TNRC18: variants seen among roughly 807,000 people sequenced by gnomAD.
TNRC18 encodes the protein trinucleotide repeat containing 18.
TNRC18 carries 69 observed loss-of-function variants against 226.7 expected under a neutral mutation model. That is an observed-to-expected ratio of 0.30 (90% CI 0.25 to 0.37). The LOEUF (loss-of-function observed/expected upper bound fraction) is 0.37, where lower values mean the gene tolerates loss of function less well. TNRC18 is among the 10% of genes least tolerant of loss of function. The pLI is 1.00. For synonymous variants in TNRC18, 2,449 were observed against 1,927.6 expected, an observed-to-expected ratio of 1.27 and a Z score of -7.09; for missense variants, 4,754 against 4,256.6, an observed-to-expected ratio of 1.12 and a Z score of -3.25.
chr7:5,362,775 C>G lies in TNRC18; in HGVS notation c.4270G>C (p.Ala1424Pro), dbSNP rs756957551. 1 of 1,572,124 alleles carries G rather than the reference C, an allele frequency of 6.4e-7. No individual in the cohort carries two copies. The highest frequency in any genetic ancestry group is 1.2e-5 in the South Asian group (1 of 85,518). ...ARPSLESLLAAGSHMLREVLD... is the reference protein window; with the variant it reads ...ARPSLESLLAPGSHMLREVLD... ...ACCTCCCTCAGCATGTGGCTGCCAG[C>G]TGCCAGCAGACTCTCCAGGGAGGGC... The change falls in exon 12 of 30, where the codon GCT becomes CCT. Residue 1424 changes from alanine to proline, a missense_variant. Transcript: ENST00000430969.
In TNRC18 at chr7:5,394,500, G is replaced by T; in HGVS notation, c.283C>A (p.Arg95Ser). Residue 95 changes from arginine to serine, a missense_variant, in exon 3 of 30, where the codon CGC becomes AGC. By Grantham distance (110) the Arg-to-Ser change is moderately radical. Coordinates refer to ENST00000430969, the MANE Select transcript of TNRC18 (RefSeq NM_001080495.3). This position sits in a 1 kb window ranked among gnomAD's most constrained non-coding sequence, Gnocchi z 4.5. ...GGCAGGTTGCTAGGGGTTGGGGAGC[G>T]GAAAGACAGGTCAGAGGGCAGTGGC... is the stretch of plus-strand genomic sequence containing the variant. ...PVPLPSDLSF[R>S]SPTPSNLPMV... The T allele has an allele frequency of 1.3e-6, 2 of 1,561,820 alleles. No homozygotes were observed. The highest frequency in any genetic ancestry group is 1.7e-6 in the Non-Finnish European group (2 of 1,154,684).
At chr7:5,410,310 C>CAAAAAAA (rs1157425008) in intron 2 of TNRC18, among the ~76,000 whole-genome samples, 1 of 66,198 alleles carries the variant, frequency 1.5e-5, no homozygotes, top group African/African-American at 4.2e-5. Flanking sequence ...GACTCTGTCT[C>CAAAAAAA]AAAAAAAAAA....
In TNRC18 at chr7:5,325,240, TTTC is replaced by T; in HGVS notation, c.6153_6155del (p.Lys2052del). ...CAGCTCCTGGCCCAGCCTCTTTCCC[TTTC>T]TTCTTCTGGAGGAGGAAGCAGCAGA... On this transcript the variant is annotated inframe_deletion, in exon 20 of 30. Coordinates refer to ENST00000430969, the MANE Select transcript of TNRC18 (RefSeq NM_001080495.3). The T allele has an allele frequency of 1.9e-6, 3 of 1,552,104 alleles. No homozygotes were observed. Among genetic ancestry groups the T allele is most frequent in the Non-Finnish European group, 2.6e-6 (3 of 1,153,674 alleles).
At position 5,313,345 on chromosome 7, in the gene TNRC18, G is replaced by T. The variant is rs759599919; in HGVS notation, c.7546C>A (p.Pro2516Thr). Residue 2516 changes from proline (P) to threonine (T), a missense_variant, in exon 27 of 30, where the codon CCC (proline) becomes ACC (threonine). Coordinates refer to ENST00000430969, the MANE Select transcript of TNRC18 (RefSeq NM_001080495.3). Reference sequence around the variant, plus strand: ...TCCCCGTCGGTGGCCTTGGGCCAGGGTGCCTTGGGCTCGCTGCTGCCGGCC... The same window carrying T: ...TCCCCGTCGGTGGCCTTGGGCCAGGTTGCCTTGGGCTCGCTGCTGCCGGCC... ...PAAGSSEPKA[P>T]WPKATDGDLA... is the part of the protein sequence containing the mutation. 6.4e-7 allele frequency: 1 copy of T among 1,559,422 alleles called. No individual in the cohort carries two copies. Among genetic ancestry groups the T allele is most frequent in the Non-Finnish European group, 8.7e-7 (1 of 1,152,896 alleles).
At chr7:5,390,965 A>C (rs1372571407) in intron 3 of TNRC18, among the ~76,000 whole-genome samples, 1 of 152,156 alleles carries the variant, frequency 6.6e-6, no homozygotes, top group African/African-American at 2.4e-5. Context: ...ACAACCTATA[A>C]GGAAGAGACT....
At position 5,312,123 on chromosome 7, in the gene TNRC18, G is replaced by A. The variant is rs1787284890; in HGVS notation, c.8388+380C>T. Among the ~76,000 whole-genome samples the A allele has an allele frequency of 6.6e-6, 1 of 152,204 alleles. No individual in the cohort carries two copies. The highest frequency in any genetic ancestry group is 1.5e-5 in the Non-Finnish European group (1 of 68,034). On this transcript the variant is annotated intron_variant, in intron 27 of 29. Transcript: ENST00000430969. This position sits in a 1 kb window ranked among gnomAD's most constrained non-coding sequence, Gnocchi z 6.3. The stretch of plus-strand genomic sequence containing the variant: ...CACACTCCAGCCTGGGCAACAGAGA[G>A]AGACTCAGTCTCAAAAAAAGAAAAA...
At chr7:5,371,749 C>T (rs1410446521) in intron 10 of TNRC18, among the ~76,000 whole-genome samples, 1 of 152,134 alleles carries the variant, frequency 6.6e-6, no homozygotes, top group East Asian at 1.9e-4. Context: ...GAACCTACTG[C>T]TCCACCCCAT....
intron 24 of TNRC18, among the ~76,000 whole-genome samples, chr7:5,317,540 G>A (rs1258972992): frequency 1.3e-5 from 2 of 151,926 alleles, no homozygotes; most frequent in South Asian, 2.1e-4. Context: ...GCAGTAAGCT[G>A]AAATCACTGC....
intron 11 of TNRC18, among the ~76,000 whole-genome samples, chr7:5,363,460 C>T (rs1356569238): frequency 2.6e-5 from 4 of 152,046 alleles, no homozygotes; most frequent in Admixed American, 6.6e-5. Context: ...AAAAATTAGC[C>T]GGGTGTGGTG....
At position 5,388,204 on chromosome 7, in the gene TNRC18, G is replaced by A. The variant is rs770815722; in HGVS notation, c.1620C>T (p.Ala540=). ...TCTTGGAGGAGGAGGCAGCGACCACGGCGGCCTCCTCTTCGGCGCGGCTGT... is the reference window on the plus strand; with the variant it reads ...TCTTGGAGGAGGAGGCAGCGACCACAGCGGCCTCCTCTTCGGCGCGGCTGT... ...HHHSRAEEEA[A]VVAASSSKKA... Residue 540 remains alanine, a synonymous_variant, in exon 5 of 30, where the codon GCC becomes GCT. Coordinates refer to ENST00000430969, the MANE Select transcript of TNRC18 (RefSeq NM_001080495.3). 3.4e-5 allele frequency: 55 copies of A among 1,595,568 alleles called. No homozygotes were observed. The highest frequency in any genetic ancestry group is 5.6e-5 in the South Asian group (5 of 88,594).
rs550428799 is a variant in TNRC18 at position 5,324,203 on chromosome 7, C to T, written c.6442+11G>A. On this transcript the variant is annotated intron_variant, in intron 21 of 29. Transcript: ENST00000430969. This position sits in a 1 kb window ranked among gnomAD's most constrained non-coding sequence, Gnocchi z 4.8. ...GCCCCGCCCGGCACATGTGGCATCA[C>T]GGCCACTCACCCGGGGTCAGCGGCC... 8.7e-5 allele frequency: 138 copies of T among 1,591,166 alleles called. No individual in the cohort carries two copies. In the Admixed American group the frequency reaches 1.1e-3, roughly 13 times the overall value.
At chr7:5,351,723 ATC>A in intron 17 of TNRC18, 94 bp downstream of exon 17, 1 of 1,391,740 alleles carries the variant, frequency 7.2e-7, no homozygotes, top group Non-Finnish European at 9.6e-7. Context: ...CTCACCCACC[ATC>A]TCTCCCGTGC....
chr7:5,313,164 C>T lies in TNRC18; in HGVS notation c.7727G>A (p.Ser2576Asn). 2.0e-6 allele frequency: 3 copies of T among 1,531,042 alleles called. No homozygotes were observed. Among genetic ancestry groups the T allele is most frequent in the South Asian group, 2.4e-5 (2 of 83,586 alleles). The allele number at this position is 1,531,042 out of a possible 1,614,324, so 94.8% of individuals were successfully genotyped here. Residue 2576 changes from serine (S) to asparagine (N), a missense_variant, in exon 27 of 30, where the codon AGC (serine) becomes AAC (asparagine). By Grantham distance (46) the Ser-to-Asn change is conservative. Transcript: ENST00000430969. ...GSSSSSSSSS[S>N]SGSETEGEEE... Reference sequence around the variant, plus strand: ...CTCCCCTTCTGTCTCCGAGCCGCTGCTGCTGCTGCTGCTGCTGCTGCTACT... The same window carrying T: ...CTCCCCTTCTGTCTCCGAGCCGCTGTTGCTGCTGCTGCTGCTGCTGCTACT...
chr7:5,379,555 A>G (rs983577921), intron 5 of TNRC18, among the ~76,000 whole-genome samples: 3 of 152,272 alleles, frequency 2.0e-5, no homozygotes, highest in African/African-American at 7.2e-5. Context: ...GGCCTGGCAC[A>G]TGGATGGTCA....
chr7:5,409,939 C>A lies in TNRC18; in HGVS notation c.187+11121G>T, dbSNP rs563628843. 2.7e-5 allele frequency among the ~76,000 whole-genome samples: 4 copies of A among 146,722 alleles called. No individual in the cohort carries two copies. In the South Asian group the frequency reaches 8.7e-4, roughly 32 times the overall value. On this transcript the variant is annotated intron_variant, in intron 2 of 29. Transcript: ENST00000430969. ...CCGGGAGGTGGAGCTTGCAGTGAGCCGAGATCGCACCACTGCACTCCAGGC... is the reference window on the plus strand; with the variant it reads ...CCGGGAGGTGGAGCTTGCAGTGAGCAGAGATCGCACCACTGCACTCCAGGC...
chr7:5,388,243 G>T lies in TNRC18; in HGVS notation c.1581C>A (p.Ala527=), dbSNP rs1221834058. The T allele has an allele frequency of 6.2e-7, 1 of 1,606,972 alleles. No homozygotes were observed. Among genetic ancestry groups the T allele is most frequent in the Non-Finnish European group, 8.5e-7 (1 of 1,177,644 alleles). Residue 527 remains alanine, a synonymous_variant, in exon 5 of 30, where the codon GCC becomes GCA. Coordinates refer to ENST00000430969, the MANE Select transcript of TNRC18 (RefSeq NM_001080495.3). ...NFAATQMAVL[A]AQHHHSRAEE... is the part of the protein sequence containing the mutation. ...CGGCGCGGCTGTGGTGGTGCTGCGC[G>T]GCCAGCACGGCCATCTGCGTGGCGG...
intron 2 of TNRC18, among the ~76,000 whole-genome samples, chr7:5,395,595 G>A (rs982970914): frequency 1.3e-5 from 2 of 152,230 alleles, no homozygotes; most frequent in African/African-American, 2.4e-5. Flanking sequence ...CCTGGCGCAC[G>A]GGGCTTCCCT....
chr7:5,313,385 G>A lies in TNRC18; in HGVS notation c.7506C>T (p.Gly2502=). 6.3e-7 allele frequency: 1 copy of A among 1,589,600 alleles called. No individual in the cohort carries two copies. The highest frequency in any genetic ancestry group is 8.6e-7 in the Non-Finnish European group (1 of 1,169,400). Residue 2502 remains glycine, a synonymous_variant, in exon 27 of 30, where the codon GGC becomes GGT. Transcript: ENST00000430969. ...TGCTGCCGGCCGCGGGGGGATAGCTGCCCAGGCTCAGGAGGCTCTTGGGCT... is the reference window on the plus strand; with the variant it reads ...TGCTGCCGGCCGCGGGGGGATAGCTACCCAGGCTCAGGAGGCTCTTGGGCT... ...WQEPKSLLSL[G]SYPPAAGSSE... is the part of the protein sequence containing the mutation.
chr7:5,313,881 T>G lies in TNRC18; in HGVS notation c.7028-18A>C. 7.0e-7 allele frequency: 1 copy of G among 1,432,656 alleles called. No individual in the cohort carries two copies. Among genetic ancestry groups the G allele is most frequent in the Non-Finnish European group, 9.2e-7 (1 of 1,092,498 alleles). The allele number at this position is 1,432,656 out of a possible 1,614,324, so 88.7% of individuals were successfully genotyped here. On this transcript the variant is annotated intron_variant, in intron 26 of 29. Transcript: ENST00000430969. ...GGCTCTGTCTGCAAAACAAAACAGATGAGAAGCTGGGGCGGGGGCTTCCTG... is the reference window on the plus strand; with the variant it reads ...GGCTCTGTCTGCAAAACAAAACAGAGGAGAAGCTGGGGCGGGGGCTTCCTG...
Sources: gnomAD v4.1 joint callset for allele counts (sites outside exome capture counted in the v4.1 genomes callset) on GRCh38, gnomAD v4.1.1 for gene constraint, Gnocchi (gnomAD v3.1) non-coding constraint, MANE v1.5 for transcripts, NCBI Gene and HGNC (gene_info 2026-07-23, HGNC 2026-07-21) for gene names.